ASAP1: variants seen among roughly 807,000 people sequenced by gnomAD.
ASAP1 encodes the protein ArfGAP with SH3 domain, ankyrin repeat and PH domain 1, also known as arf-GAP with SH3 domain, ANK repeat and PH domain-containing protein 1.
Under a neutral mutation model 145.2 loss-of-function variants are expected in ASAP1, and 43 were observed. The observed-to-expected ratio is 0.30, with a 90% CI of 0.23 to 0.38. The LOEUF is 0.38. Among genes scored for constraint, ASAP1 ranks in the 10% least tolerant of loss-of-function variants. The pLI is 1.00. For missense variants in ASAP1, 1,018 were observed against 1,355.3 expected (o/e 0.75, Z 3.91); for synonymous variants, 546 against 515.5 (o/e 1.06, Z -0.80).
chr8:130,413,433 G>A (rs1322305032), intron 1 of ASAP1, among the ~76,000 whole-genome samples: 1 of 152,114 alleles, frequency 6.6e-6, no homozygotes, highest in Non-Finnish European at 1.5e-5. Flanking sequence ...GAAACAGGAC[G>A]TGTCTCCTAT....
intron 7 of ASAP1, among the ~76,000 whole-genome samples, chr8:130,183,796 G>A (rs573146554): frequency 6.6e-6 from 1 of 152,160 alleles, no homozygotes; most frequent in Non-Finnish European, 1.5e-5. Context: ...AACTACTGGA[G>A]GTAATGGGCC....
At chr8:130,115,317 A>C (rs1592835091) in intron 23 of ASAP1, among the ~76,000 whole-genome samples, 1 of 151,916 alleles carries the variant, frequency 6.6e-6, no homozygotes, top group Non-Finnish European at 1.5e-5. Context: ...TGCAACATTA[A>C]CTCCTGCTGG....
chr8:130,395,601 T>C (rs1489900124), intron 2 of ASAP1, among the ~76,000 whole-genome samples: 1 of 152,100 alleles, frequency 6.6e-6, no homozygotes, highest in Admixed American at 6.5e-5. Context: ...CCTACAGGTT[T>C]CAGAGGAAGC....
chr8:130,292,235 A>C (rs1821989354), intron 3 of ASAP1, among the ~76,000 whole-genome samples: 1 of 152,228 alleles, frequency 6.6e-6, no homozygotes, highest in African/African-American at 2.4e-5. Flanking sequence ...AAGGACCAAC[A>C]CATGCCAGAC....
intron 27 of ASAP1, among the ~76,000 whole-genome samples, chr8:130,076,061 ATTATGT>A (rs2097461650): frequency 6.6e-6 from 1 of 152,208 alleles, no homozygotes; most frequent in African/African-American, 2.4e-5. Context: ...AGTCTCTCTG[ATTATGT>A]TTATAAGGGG....
intron 3 of ASAP1, among the ~76,000 whole-genome samples, chr8:130,270,634 T>C (rs1820530743): frequency 6.6e-6 from 1 of 152,236 alleles, no homozygotes; most frequent in African/African-American, 2.4e-5. Context: ...CTTCATCCTG[T>C]ATGTTTCTTT....
At chr8:130,270,550 C>A (rs1820525531) in intron 3 of ASAP1, among the ~76,000 whole-genome samples, 1 of 152,198 alleles carries the variant, frequency 6.6e-6, no homozygotes, top group Non-Finnish European at 1.5e-5. Context: ...TCATATTTTG[C>A]TCTATGTTCA....
intron 3 of ASAP1, among the ~76,000 whole-genome samples, chr8:130,353,891 G>C (rs114797082): frequency 0.11 from 16,383 of 151,708 alleles, 1,007 homozygotes; most frequent in South Asian, 0.28. Context: ...AAGGGAGTGA[G>C]ATTTTTTTTT....
intron 3 of ASAP1, among the ~76,000 whole-genome samples, chr8:130,255,954 A>G (rs191291426): frequency 3.7e-4 from 57 of 152,290 alleles, no homozygotes; most frequent in Middle Eastern, 3.4e-3. Flanking sequence ...CTCCTCCCAC[A>G]CACACAGAAC....
rs2097560186 is a variant in ASAP1 at position 130,118,536 on chromosome 8, A to G, written c.1747T>C (p.Tyr583His). Residue 583 changes from tyrosine to histidine, a missense_variant, in exon 19 of 30, where the codon TAT (tyrosine) becomes CAT (histidine). By Grantham distance (83) the Tyr-to-His change is moderately conservative. This residue lies in a region of ASAP1 where 353 missense variants were observed against 375.4 expected (regional missense o/e 0.94). Coordinates refer to ENST00000518721, the MANE Select transcript of ASAP1 (RefSeq NM_018482.4). ...SRDLLALIQV[Y>H]AEGVELMEPL... Reference sequence around the variant, plus strand: ...TCCATTAGCTCTACCCCTTCTGCATAGACTTGAATTAGTGCAAGTAAATCC... The same window carrying G: ...TCCATTAGCTCTACCCCTTCTGCATGGACTTGAATTAGTGCAAGTAAATCC... 2 of 1,614,102 alleles carry G rather than the reference A, an allele frequency of 1.2e-6. No individual in the cohort carries two copies. The highest frequency in any genetic ancestry group is 1.7e-6 in the Non-Finnish European group (2 of 1,179,946).
chr8:130,153,108 C>A (rs753388652), intron 12 of ASAP1, among the ~76,000 whole-genome samples: 10 of 151,200 alleles, frequency 6.6e-5, no homozygotes, highest in Non-Finnish European at 8.8e-5. Context: ...CAACCTCCAT[C>A]TCCCGGGTTG....
chr8:130,437,367 C>T (rs1830348655), intron 1 of ASAP1, among the ~76,000 whole-genome samples: 4 of 152,224 alleles, frequency 2.6e-5, no homozygotes, highest in Admixed American at 1.3e-4. Context: ...GCTGTAATAA[C>T]GGCTACCATC....
intron 2 of ASAP1, among the ~76,000 whole-genome samples, chr8:130,395,601 T>G (rs1489900124): frequency 1.3e-5 from 2 of 152,100 alleles, no homozygotes; most frequent in Admixed American, 1.3e-4. Flanking sequence ...CCTACAGGTT[T>G]CAGAGGAAGC....
At chr8:130,312,618 G>T (rs1275578774) in intron 3 of ASAP1, among the ~76,000 whole-genome samples, 1 of 152,100 alleles carries the variant, frequency 6.6e-6, no homozygotes, top group East Asian at 1.9e-4. Context: ...CATTACAGGT[G>T]GGTACTATTA....
intron 5 of ASAP1, among the ~76,000 whole-genome samples, chr8:130,193,981 T>C (rs1815314399): frequency 6.6e-6 from 1 of 152,146 alleles, no homozygotes; most frequent in African/African-American, 2.4e-5. Flanking sequence ...TGAGCAACCA[T>C]GCTCCGCCAC....
chr8:130,212,561 T>TA (rs34626937), intron 5 of ASAP1, among the ~76,000 whole-genome samples: 1,934 of 152,314 alleles, frequency 0.013, 37 homozygotes, highest in African/African-American at 0.042. Flanking sequence ...ACAAGTTATA[T>TA]ATCTCAATTT....
intron 1 of ASAP1, among the ~76,000 whole-genome samples, chr8:130,439,732 T>A (rs1267342043): frequency 6.6e-6 from 1 of 152,096 alleles, no homozygotes; most frequent in Admixed American, 6.5e-5. Context: ...AGGAAGAGCA[T>A]CCCCCGCAGG....
intron 13 of ASAP1, 151 bp downstream of exon 13, chr8:130,152,585 T>C (rs1325647079): frequency 3.6e-6 from 2 of 549,490 alleles, no homozygotes; most frequent in Non-Finnish European, 6.3e-6. Flanking sequence ...CAGGACAAGA[T>C]AAAACTTTTT....
chr8:130,082,276 A>G (rs548303033), intron 25 of ASAP1, among the ~76,000 whole-genome samples: 1 of 152,368 alleles, frequency 6.6e-6, no homozygotes, highest in South Asian at 2.1e-4. Flanking sequence ...TCATGAGCCC[A>G]TATAACTTAA....
Sources: allele counts gnomAD v4.1 joint callset (sites outside exome capture counted in the v4.1 genomes callset), GRCh38; gene constraint gnomAD v4.1.1; regional missense constraint gnomAD v4.1.1; transcripts MANE v1.5; gene names NCBI Gene and HGNC (gene_info 2026-07-23, HGNC 2026-07-21).